DHRS7B: variants seen among roughly 807,000 people sequenced by gnomAD.
The protein encoded by DHRS7B is peroxisomal reductase activating PPAR-gamma.
DHRS7B carries 24 observed loss-of-function variants against 26.4 expected under a neutral mutation model. The ratio of observed to expected loss-of-function variants is 0.91; its 90% CI spans 0.66 to 1.28. The LOEUF is 1.28. DHRS7B is among the 50% of genes most tolerant of loss of function. DHRS7B has a pLI of 0.00. For missense variants in DHRS7B, 368 were observed against 419.4 expected (o/e 0.88, Z 1.07); for synonymous variants, 142 against 166.4 (o/e 0.85, Z 1.13).
At chr17:21,175,827 C>G (rs1369883656) in intron 2 of DHRS7B, among the ~76,000 whole-genome samples, 1 of 151,514 alleles carries the variant, frequency 6.6e-6, no homozygotes, top group African/African-American at 2.4e-5. Flanking sequence ...AACTTGGAAG[C>G]CTGAGGTGGA....
intron 1 of DHRS7B, among the ~76,000 whole-genome samples, chr17:21,140,519 CACACACACACACACACACA>C (rs1973477820): frequency 6.7e-6 from 1 of 150,292 alleles, no homozygotes; most frequent in Non-Finnish European, 1.5e-5. Flanking sequence ...CACACACACA[CACACACACACACACACACA>C]CCCTGACACC....
intron 3 of DHRS7B, among the ~76,000 whole-genome samples, chr17:21,178,716 T>TG (rs1269047802): frequency 6.6e-6 from 1 of 150,558 alleles, no homozygotes; most frequent in East Asian, 1.9e-4. Context: ...TGGAGTGCAA[T>TG]GGCCCAATCT....
At position 21,191,160 on chromosome 17, in the gene DHRS7B, G is replaced by C; in HGVS notation, c.*7G>C. 1 of 1,612,878 alleles carries C rather than the reference G, an allele frequency of 6.2e-7. No individual in the cohort carries two copies. The highest frequency in any genetic ancestry group is 8.5e-7 in the Non-Finnish European group (1 of 1,179,996). On this transcript the variant is annotated 3_prime_UTR_variant, in exon 7 of 7. Transcript: ENST00000395511. ...GAAATCCAAGAACTCCTAGTACTCT[G>C]ACCAGCCAGGGCCAGGGCAGAGAAG...
rs543587935 is a variant in DHRS7B, at chr17:21,135,071, TTGTC to T, written c.20+8084_20+8087del. ...AAAGAGGACCAAAACAAGACAACAA[TTGTC>T]TGTGGATGACAAAAAGTTTTAGGGC... On this transcript the variant is annotated intron_variant, in intron 1 of 6. Transcript: ENST00000395511. 3.2e-3 allele frequency among the ~76,000 whole-genome samples: 490 copies of T among 152,256 alleles called. 2 individuals are homozygous for T. Among genetic ancestry groups the T allele is most frequent in the Non-Finnish European group, 5.3e-3 (359 of 68,018 alleles).
At chr17:21,169,681 A>G (rs1277261323) in intron 1 of DHRS7B, among the ~76,000 whole-genome samples, 1 of 152,044 alleles carries the variant, frequency 6.6e-6, no homozygotes, top group Admixed American at 6.6e-5. Flanking sequence ...CTTGACCCCC[A>G]TGACCTCGGT....
chr17:21,152,859 T>C (rs1973802306), intron 1 of DHRS7B, among the ~76,000 whole-genome samples: 1 of 152,210 alleles, frequency 6.6e-6, no homozygotes, highest in Non-Finnish European at 1.5e-5. Context: ...TGGTGAAATT[T>C]ATAGTTCACA....
At chr17:21,156,620 T>TA (rs1001577270) in intron 1 of DHRS7B, among the ~76,000 whole-genome samples, 1 of 137,320 alleles carries the variant, frequency 7.3e-6, no homozygotes, top group Non-Finnish European at 1.6e-5. Context: ...ATAATTATAA[T>TA]AAAAAAAATA....
chr17:21,150,445 C>T (rs1365157436), intron 1 of DHRS7B, among the ~76,000 whole-genome samples: 9 of 151,928 alleles, frequency 5.9e-5, no homozygotes, highest in South Asian at 2.1e-4. Context: ...GGTGAAACCC[C>T]GTCTCTACTA....
chr17:21,127,197 G>T, intron 1 of DHRS7B: 1 of 525,364 alleles, frequency 1.9e-6, no homozygotes, highest in South Asian at 3.2e-5. Flanking sequence ...GCTCCGGCGA[G>T]TGCGTGGCGG....
At chr17:21,140,477 A>AACACACAC (rs1486289182) in intron 1 of DHRS7B, among the ~76,000 whole-genome samples, 1 of 50,734 alleles carries the variant, frequency 2.0e-5, no homozygotes, top group Admixed American at 2.3e-4. Context: ...AGGCCTTTTA[A>AACACACAC]ATACACACAC....
At chr17:21,155,779 G>C (rs760766826) in intron 1 of DHRS7B, among the ~76,000 whole-genome samples, 3 of 152,138 alleles carry the variant, frequency 2.0e-5, no homozygotes, top group African/African-American at 7.2e-5. Flanking sequence ...TCCAGACCAC[G>C]ATGGAATTGA....
intron 2 of DHRS7B, among the ~76,000 whole-genome samples, chr17:21,177,207 A>T (rs769403706): frequency 6.6e-6 from 1 of 152,192 alleles, no homozygotes; most frequent in Non-Finnish European, 1.5e-5. Flanking sequence ...AAAACTGTGC[A>T]TGTGAGCTCT....
At chr17:21,190,098 C>T (rs1008331293) in intron 6 of DHRS7B, among the ~76,000 whole-genome samples, 1 of 151,760 alleles carries the variant, frequency 6.6e-6, no homozygotes, top group Admixed American at 6.6e-5. Flanking sequence ...CCCAGGAGGT[C>T]GAGGCTGCAG....
intron 1 of DHRS7B, among the ~76,000 whole-genome samples, chr17:21,162,099 CCA>C (rs1236024973): frequency 6.6e-6 from 1 of 150,956 alleles, no homozygotes; most frequent in Non-Finnish European, 1.5e-5. Context: ...AGAAAGGGAG[CCA>C]ACAGAGACAT....
chr17:21,132,336 TA>T (rs56350315), intron 1 of DHRS7B, among the ~76,000 whole-genome samples: 10,421 of 133,770 alleles, frequency 0.078, 469 homozygotes, highest in East Asian at 0.19. Flanking sequence ...CCCCATCTCT[TA>T]AAAAAAAAAA....
At position 21,191,290 on chromosome 17, in the gene DHRS7B, G is replaced by A. The variant is rs117992394; in HGVS notation, c.*137G>A. On this transcript the variant is annotated 3_prime_UTR_variant, in exon 7 of 7. Coordinates refer to ENST00000395511, the MANE Select transcript of DHRS7B (RefSeq NM_015510.5). ...GAAAGACTGAAGAAACACATCTCGT[G>A]CAGATCTGCTGGCAGAGGACAATCA... is the stretch of plus-strand genomic sequence containing the variant. 4.0e-5 allele frequency: 35 copies of A among 885,792 alleles called. No individual in the cohort carries two copies. In the East Asian group the frequency reaches 9.0e-4, roughly 23 times the overall value. 54.9% of individuals were successfully genotyped at this position (885,792 alleles called of 1,614,324 possible).
intron 4 of DHRS7B, 66 bp downstream of exon 4, chr17:21,183,876 C>G: frequency 7.1e-7 from 1 of 1,399,610 alleles, no homozygotes; most frequent in South Asian, 1.2e-5. Context: ...TCACTTGGAT[C>G]CTTTTCAGCT....
intron 1 of DHRS7B, among the ~76,000 whole-genome samples, chr17:21,161,101 TTC>T (rs1450663357): frequency 1.3e-5 from 2 of 152,234 alleles, no homozygotes; most frequent in Non-Finnish European, 2.9e-5. Flanking sequence ...AGTGAAACTA[TTC>T]TGTATGAAAC....
At chr17:21,177,155 G>A (rs1182808272) in intron 2 of DHRS7B, among the ~76,000 whole-genome samples, 1 of 152,100 alleles carries the variant, frequency 6.6e-6, no homozygotes, top group Non-Finnish European at 1.5e-5. Context: ...GGCTGATCAC[G>A]GCCTTCCCTG....
Sources: allele counts gnomAD v4.1 joint callset (sites outside exome capture counted in the v4.1 genomes callset), GRCh38; gene constraint gnomAD v4.1.1; transcripts MANE v1.5; gene names NCBI Gene and HGNC (gene_info 2026-07-23, HGNC 2026-07-21).